Variants in RARB observed in about 807,000 individuals in gnomAD.
The protein encoded by RARB is HBV-activated protein.
A neutral mutation model predicts 51.9 loss-of-function variants in RARB; 17 were observed. The ratio of observed to expected loss-of-function variants is 0.33; its 90% CI spans 0.22 to 0.49. RARB has a LOEUF of 0.49. RARB is among the 20% of genes least tolerant of loss of function. The pLI is 0.99. For synonymous variants in RARB, 215 were observed against 195.4 expected, an observed-to-expected ratio of 1.10 and a Z score of -0.84; for missense variants, 369 against 550.8, an observed-to-expected ratio of 0.67 and a Z score of 3.30.
At chr3:25,281,843 G>T (rs1457638139) in intron 5 of RARB, among the ~76,000 whole-genome samples, 1 of 152,202 alleles carries the variant, frequency 6.6e-6, no homozygotes, top group Non-Finnish European at 1.5e-5. Context: ...CATTTTGGAA[G>T]CTGCATCCTC....
At chr3:25,015,382 T>G (rs1193124043) in intron 2 of RARB, among the ~76,000 whole-genome samples, 1 of 152,188 alleles carries the variant, frequency 6.6e-6, no homozygotes, top group African/African-American at 2.4e-5. Flanking sequence ...GAAATGAATA[T>G]TTCATTGGGA....
At chr3:25,385,742 T>A (rs888373075) in intron 5 of RARB, among the ~76,000 whole-genome samples, 2 of 152,206 alleles carry the variant, frequency 1.3e-5, no homozygotes, top group Middle Eastern at 3.2e-3. Flanking sequence ...ACGCTCCTTC[T>A]GTTCTCCTTC....
intron 4 of RARB, among the ~76,000 whole-genome samples, chr3:25,157,598 T>C (rs904097081): frequency 1.6e-4 from 24 of 152,034 alleles, no homozygotes; most frequent in African/African-American, 5.3e-4. Context: ...GGTTTCACCA[T>C]GTTGACCAGG....
intron 5 of RARB, among the ~76,000 whole-genome samples, chr3:25,421,254 A>G (rs996855188): frequency 6.6e-6 from 1 of 152,050 alleles, no homozygotes; most frequent in Non-Finnish European, 1.5e-5. Context: ...TACCCCCTCC[A>G]CCTGCAGCCT....
At position 25,074,873 on chromosome 3, in the gene RARB, G is replaced by A. The variant is rs534230544; in HGVS notation, c.-328+14697G>A. Among the ~76,000 whole-genome samples, 100 of 152,246 alleles carry A rather than the reference G, an allele frequency of 6.6e-4. 1 individual carries two copies. Among genetic ancestry groups the A allele is most frequent in the African/African-American group, 2.3e-3 (96 of 41,550 alleles). On this transcript the variant is annotated intron_variant, in intron 3 of 11. Coordinates refer to the RARB transcript ENST00000383772. Reference sequence around the variant, plus strand: ...AGGACTCTTTTCCTACATATGCAGCGCAGTGACTTGTACGTATTTGGCAAA... The same window carrying A: ...AGGACTCTTTTCCTACATATGCAGCACAGTGACTTGTACGTATTTGGCAAA...
At chr3:25,518,598 A>G (rs775212264) in intron 3 of RARB, among the ~76,000 whole-genome samples, 3 of 152,186 alleles carry the variant, frequency 2.0e-5, no homozygotes, top group Non-Finnish European at 2.9e-5. Flanking sequence ...AACGATGGGC[A>G]TGAAATTGAG....
At position 25,217,981 on chromosome 3, in the gene RARB, T is replaced by TA. The variant is rs1041323862; in HGVS notation, c.178+43414dup. Among the ~76,000 whole-genome samples, 11 of 151,964 alleles carry TA rather than the reference T, an allele frequency of 7.2e-5. No homozygotes were observed. In the South Asian group the frequency reaches 1.7e-3, roughly 23 times the overall value. On this transcript the variant is annotated intron_variant, in intron 5 of 11. Transcript: ENST00000383772. ...GAATCCATATGGTTCTCTCTTTTTTTAAAAAAAATTCCCTCTACTCTTTTT... is the reference window on the plus strand; with the variant it reads ...GAATCCATATGGTTCTCTCTTTTTTTAAAAAAAAATTCCCTCTACTCTTTTT...
At chr3:25,257,598 C>A (rs989239240) in intron 5 of RARB, among the ~76,000 whole-genome samples, 1 of 152,004 alleles carries the variant, frequency 6.6e-6, no homozygotes, top group Non-Finnish European at 1.5e-5. Flanking sequence ...ATCAGGAGAT[C>A]TGTCTTGTTA....
chr3:25,087,967 C>A (rs1002602221), intron 3 of RARB, among the ~76,000 whole-genome samples: 1 of 151,668 alleles, frequency 6.6e-6, no homozygotes, highest in African/African-American at 2.4e-5. Context: ...ATTAAATTCT[C>A]CTAAGTATAG....
At chr3:25,130,899 A>AATATTATTGATAATATTATCAATAT (rs1699936128) in intron 3 of RARB, among the ~76,000 whole-genome samples, 1 of 31,430 alleles carries the variant, frequency 3.2e-5, no homozygotes, top group East Asian at 1.5e-3. Context: ...TGATAATATC[A>AATATTATTGATAATATTATCAATAT]ATATTATTGA....
intron 1 of RARB, among the ~76,000 whole-genome samples, chr3:25,439,127 G>A (rs558463961): frequency 1.3e-5 from 2 of 152,166 alleles, no homozygotes; most frequent in Non-Finnish European, 2.9e-5. Context: ...TCTAAAGATG[G>A]GTGCTAAGTG....
intron 2 of RARB, among the ~76,000 whole-genome samples, chr3:24,914,473 C>T (rs1483181771): frequency 6.6e-6 from 1 of 152,128 alleles, no homozygotes; most frequent in Non-Finnish European, 1.5e-5. Flanking sequence ...GATGGAACAT[C>T]TTCTGCCAAT....
chr3:24,882,831 C>A (rs571047918), intron 2 of RARB, among the ~76,000 whole-genome samples: 1 of 152,154 alleles, frequency 6.6e-6, no homozygotes, highest in South Asian at 2.1e-4. Context: ...TGGGAAATCC[C>A]GTTCTCCTAA....
intron 2 of RARB, among the ~76,000 whole-genome samples, chr3:25,010,433 C>T (rs1697369608): frequency 6.6e-6 from 1 of 151,996 alleles, no homozygotes; most frequent in Non-Finnish European, 1.5e-5. Context: ...TAATATGTAA[C>T]AAAAAGTGTG....
At chr3:24,891,681 A>G (rs532431121) in intron 2 of RARB, among the ~76,000 whole-genome samples, 1 of 152,290 alleles carries the variant, frequency 6.6e-6, no homozygotes, top group African/African-American at 2.4e-5. Context: ...GCCAAACATG[A>G]ACAGATGCAG....
chr3:25,268,054 T>C (rs2125409901), intron 5 of RARB, among the ~76,000 whole-genome samples: 1 of 152,304 alleles, frequency 6.6e-6, no homozygotes, highest in East Asian at 1.9e-4. Context: ...GAACGTAGAA[T>C]AGTAGAGATT....
chr3:25,206,541 T>C (rs1466596866), intron 5 of RARB, among the ~76,000 whole-genome samples: 4 of 152,168 alleles, frequency 2.6e-5, no homozygotes, highest in Non-Finnish European at 5.9e-5. Context: ...AGAAAATCTT[T>C]TGAGGTCATT....
At chr3:24,977,556 T>C (rs1429240606) in intron 2 of RARB, among the ~76,000 whole-genome samples, 2 of 152,234 alleles carry the variant, frequency 1.3e-5, no homozygotes, top group Non-Finnish European at 2.9e-5. Context: ...GATTTAGCTG[T>C]CTGTTGGTCT....
intron 3 of RARB, among the ~76,000 whole-genome samples, chr3:25,129,339 A>G (rs1699909443): frequency 6.6e-6 from 1 of 152,114 alleles, no homozygotes; most frequent in Non-Finnish European, 1.5e-5. Flanking sequence ...AGCATCAGTT[A>G]CAATTACAGT....
Sources: allele counts gnomAD v4.1 joint callset (sites outside exome capture counted in the v4.1 genomes callset), GRCh38; gene constraint gnomAD v4.1.1; transcripts MANE v1.5; gene names NCBI Gene and HGNC (gene_info 2026-07-23, HGNC 2026-07-21).